ZNF596: variants seen among roughly 807,000 people sequenced by gnomAD.
The protein encoded by ZNF596 is zinc finger protein 596.
ZNF596 carries 45 observed loss-of-function variants against 48.3 expected under a neutral mutation model. That is an observed-to-expected ratio of 0.93 (90% CI 0.73 to 1.19). ZNF596 has a LOEUF of 1.19. ZNF596 is among the 50% of genes most tolerant of loss of function. The probability of loss-of-function intolerance (pLI) is 0.00; values close to 1 mark genes in which losing one functional copy is unlikely to be tolerated. For synonymous variants in ZNF596, 270 were observed against 202.0 expected (o/e 1.34, Z -2.85); for missense variants, 848 against 599.7 (o/e 1.41, Z -4.32).
chr8:237,915 G>T (rs1428151043), intron 1 of ZNF596, among the ~76,000 whole-genome samples: 1 of 152,182 alleles, frequency 6.6e-6, no homozygotes, highest in African/African-American at 2.4e-5. Context: ...GCACCATGAG[G>T]TCTGGACATC....
chr8:238,013 G>T (rs1796688515), intron 1 of ZNF596, among the ~76,000 whole-genome samples: 1 of 152,190 alleles, frequency 6.6e-6, no homozygotes, highest in African/African-American at 2.4e-5. Context: ...GCCCACATAA[G>T]CCATTGCTGG....
At position 246,323 on chromosome 8, in the gene ZNF596, A is replaced by G. The variant is rs1408462408; in HGVS notation, c.1476A>G (p.Gln492=). The G allele has an allele frequency of 6.3e-7, 1 of 1,598,066 alleles. No homozygotes were observed. The highest frequency in any genetic ancestry group is 8.5e-7 in the Non-Finnish European group (1 of 1,174,898). The stretch of plus-strand genomic sequence containing the variant: ...TTAGTAAATTTTTTAACCTTAGACA[A>G]CATGAGAGAACTCACACTAAAAAAG... ...KAFSKFFNLR[Q]HERTHTKKAM... is the part of the protein sequence containing the mutation. The change falls in exon 6 of 6, where the codon CAA becomes CAG. Residue 492 remains glutamine, a synonymous_variant. Coordinates refer to ENST00000398612, the MANE Select transcript of ZNF596 (RefSeq NM_001042416.3).
intron 1 of ZNF596, chr8:234,603 C>T (rs1186969101): frequency 3.9e-5 from 6 of 152,166 alleles, no homozygotes; most frequent in Non-Finnish European, 8.8e-5. Context: ...TGGAAAAAGT[C>T]ATGTTATTCA....
intron 1 of ZNF596, chr8:237,634 A>C (rs1796672616): frequency 6.6e-6 from 1 of 152,058 alleles, no homozygotes; most frequent in Non-Finnish European, 1.5e-5. Flanking sequence ...TGTATGTGTG[A>C]TCTCATTATT....
At chr8:235,831 A>C (rs189643089) in intron 1 of ZNF596, among the ~76,000 whole-genome samples, 1 of 152,298 alleles carries the variant, frequency 6.6e-6, no homozygotes, top group East Asian at 1.9e-4. Flanking sequence ...TATTGTTATA[A>C]ATATTTATAT....
chr8:233,904 T>C (rs958539040), intron 1 of ZNF596, among the ~76,000 whole-genome samples: 2 of 152,186 alleles, frequency 1.3e-5, no homozygotes, highest in Admixed American at 6.5e-5. Context: ...AAACTGCCAC[T>C]ATCGTATTAA....
rs888146103 is a variant in ZNF596 at position 245,326 on chromosome 8, T to A, written c.479T>A (p.Ile160Asn). 6.2e-7 allele frequency: 1 copy of A among 1,614,106 alleles called. No homozygotes were observed. The change falls in exon 6 of 6, where the codon ATT (isoleucine) becomes AAT (asparagine). Residue 160 changes from isoleucine (I) to asparagine (N), a missense_variant. Coordinates refer to ENST00000398612, the MANE Select transcript of ZNF596 (RefSeq NM_001042416.3). Reference protein sequence around the residue: ...DWLSFNQHKEIHTKCKSYGSH... With the variant: ...DWLSFNQHKENHTKCKSYGSH... ...TTATCCTTTAATCAACACAAGGAAATTCACACCAAATGTAAATCATATGGA... is the reference window on the plus strand; with the variant it reads ...TTATCCTTTAATCAACACAAGGAAAATCACACCAAATGTAAATCATATGGA...
intron 1 of ZNF596, chr8:234,221 A>G (rs1393906631): frequency 1.3e-5 from 2 of 152,248 alleles, no homozygotes; most frequent in African/African-American, 4.8e-5. Flanking sequence ...GTACTAGCAG[A>G]CTTCAGGCTC....
At chr8:244,850 C>G (rs972375145) in intron 5 of ZNF596, 149 bp downstream of exon 5, 10 of 719,438 alleles carry the variant, frequency 1.4e-5, no homozygotes, top group Middle Eastern at 2.4e-4. Context: ...AACTTCAAAT[C>G]AAAACCATAA....
At position 245,625 on chromosome 8, in the gene ZNF596, T is replaced by G; in HGVS notation, c.778T>G (p.Phe260Val). Residue 260 changes from phenylalanine (F) to valine (V), a missense_variant, in exon 6 of 6, where the codon TTC (phenylalanine) becomes GTC (valine). Coordinates refer to ENST00000398612, the MANE Select transcript of ZNF596 (RefSeq NM_001042416.3). The stretch of plus-strand genomic sequence containing the variant: ...TGGATGTCATCTATGTGGGAAAGCC[T>G]TCAGTAAAAGTTCTAACCTTAGACG... ...PYGCHLCGKA[F>V]SKSSNLRRHE... 6.2e-7 allele frequency: 1 copy of G among 1,613,936 alleles called. No individual in the cohort carries two copies. Among genetic ancestry groups the G allele is most frequent in the Non-Finnish European group, 8.5e-7 (1 of 1,179,972 alleles).
Position 243,792 on chromosome 8 carries a change from A to G in ZNF596, c.210A>G (p.Ile70Met). ...EQVEKLSTQRISLLQGREVGI... is the reference protein window; with the variant it reads ...EQVEKLSTQRMSLLQGREVGI... Reference sequence around the variant, plus strand: ...TAGAGAAACTTTCAACACAAAGAATAAGCTTACTGCAAGGTGAGCTCTAAG... The same window carrying G: ...TAGAGAAACTTTCAACACAAAGAATGAGCTTACTGCAAGGTGAGCTCTAAG... The change falls in exon 4 of 6, where the codon ATA (isoleucine) becomes ATG (methionine). Residue 70 changes from isoleucine (I) to methionine (M), a missense_variant. Transcript: ENST00000398612. 1 of 1,613,480 alleles carries G rather than the reference A, an allele frequency of 6.2e-7. No individual in the cohort carries two copies. The highest frequency in any genetic ancestry group is 8.5e-7 in the Non-Finnish European group (1 of 1,179,704).
At chr8:238,132 G>A (rs969060243) in intron 1 of ZNF596, among the ~76,000 whole-genome samples, 9 of 152,104 alleles carry the variant, frequency 5.9e-5, no homozygotes, top group Admixed American at 2.6e-4. Context: ...AGCTCACAGG[G>A]GCCTTGGATG....
intron 2 of ZNF596, among the ~76,000 whole-genome samples, chr8:241,403 A>G (rs1240351806): frequency 6.6e-6 from 1 of 152,196 alleles, no homozygotes; most frequent in East Asian, 1.9e-4. Flanking sequence ...AGAGGAGACA[A>G]TGAGGAATTA....
At chr8:234,767 T>G (rs1023084362) in intron 1 of ZNF596, 1 of 152,210 alleles carries the variant, frequency 6.6e-6, no homozygotes, top group African/African-American at 2.4e-5. Flanking sequence ...TTCGAACTTG[T>G]GAAGTTCCAT....
chr8:240,816 T>G lies in ZNF596; in HGVS notation c.-72-8T>G. On this transcript the variant is annotated splice_region_variant and splice_polypyrimidine_tract_variant and intron_variant, in intron 1 of 5. Coordinates refer to ENST00000398612, the MANE Select transcript of ZNF596 (RefSeq NM_001042416.3). Reference sequence around the variant, plus strand: ...GGTTTTTTTGTTTTTGTTTTTGTTTTTGCTCAGATTTGTCTTCTTAGTGCT... The same window carrying G: ...GGTTTTTTTGTTTTTGTTTTTGTTTGTGCTCAGATTTGTCTTCTTAGTGCT... The G allele has an allele frequency of 1.3e-6, 2 of 1,575,522 alleles. No individual in the cohort carries two copies. The highest frequency in any genetic ancestry group is 1.7e-6 in the Non-Finnish European group (2 of 1,146,418).
At position 245,483 on chromosome 8, in the gene ZNF596, A is replaced by G. The variant is rs1452228866; in HGVS notation, c.636A>G (p.Arg212=). The change falls in exon 6 of 6, where the codon CGA becomes CGG. Residue 212 remains arginine, a synonymous_variant. Transcript: ENST00000398612. Reference sequence around the variant, plus strand: ...TTAGCAAAAATTCTAATCTTAGGCGACATGAGATGATTCACACTGGAGAGA... The same window carrying G: ...TTAGCAAAAATTCTAATCTTAGGCGGCATGAGATGATTCACACTGGAGAGA... The part of the protein sequence containing the change: ...KTFSKNSNLR[R]HEMIHTGEKP... 1 of 1,614,218 alleles carries G rather than the reference A, an allele frequency of 6.2e-7. No homozygotes were observed. The highest frequency in any genetic ancestry group is 1.1e-5 in the South Asian group (1 of 91,084).
intron 5 of ZNF596, 122 bp from the exon 6 acceptor site, chr8:245,032 C>T: frequency 1.6e-6 from 2 of 1,212,576 alleles, no homozygotes; most frequent in African/African-American, 1.5e-5. Flanking sequence ...GATATAGGAA[C>T]AATTGTAACT....
chr8:246,847 T>C lies in ZNF596; in HGVS notation c.*485T>C, dbSNP rs891115166. On this transcript the variant is annotated 3_prime_UTR_variant, in exon 6 of 6. Transcript: ENST00000398612. Reference sequence around the variant, plus strand: ...AAACAGGAAATATGTGAAAATATTTTTTATTAGGTGGATGAGGCCTCTTGA... The same window carrying C: ...AAACAGGAAATATGTGAAAATATTTCTTATTAGGTGGATGAGGCCTCTTGA... 1.3e-5 allele frequency: 2 copies of C among 154,842 alleles called. No individual in the cohort carries two copies. The highest frequency in any genetic ancestry group is 4.8e-5 in the African/African-American group (2 of 41,464). 9.6% of individuals were successfully genotyped at this position (154,842 alleles called of 1,614,324 possible). A position where few individuals can be genotyped will look rare whatever the true frequency, so the allele number is the denominator to read the frequency against.
At chr8:236,603 ATTATT>A (rs1292163576) in intron 1 of ZNF596, among the ~76,000 whole-genome samples, 1 of 152,158 alleles carries the variant, frequency 6.6e-6, no homozygotes, top group Non-Finnish European at 1.5e-5. Flanking sequence ...AAGATTTTAT[ATTATT>A]TTTAAAGATT....
Sources: allele counts gnomAD v4.1 joint callset (sites outside exome capture counted in the v4.1 genomes callset), GRCh38; gene constraint gnomAD v4.1.1; transcripts MANE v1.5; gene names NCBI Gene and HGNC (gene_info 2026-07-23, HGNC 2026-07-21).